The following PHACTR3 variants were observed in gnomAD, a reference collection of about 807,000 sequenced individuals.
The protein encoded by PHACTR3 is protein phosphatase 1, regulatory subunit 123.
In PHACTR3, 16 loss-of-function variants were observed where a neutral mutation model predicts 66.8. The observed-to-expected ratio is 0.24, with a 90% CI of 0.16 to 0.36. The LOEUF (loss-of-function observed/expected upper bound fraction) is 0.36. PHACTR3 is among the 10% of genes least tolerant of loss of function. The pLI is 1.00. For synonymous variants in PHACTR3, 323 were observed against 292.1 expected (o/e 1.11, Z -1.08); for missense variants, 647 against 719.9 (o/e 0.90, Z 1.16).
chr20:59,692,062 T>G (rs1265321127), intron 1 of PHACTR3, among the ~76,000 whole-genome samples: 2 of 152,226 alleles, frequency 1.3e-5, no homozygotes, highest in Non-Finnish European at 2.9e-5. Context: ...CTCTTAGCCT[T>G]CCGAGACAGG....
chr20:59,709,810 T>G (rs1463697235), intron 1 of PHACTR3, among the ~76,000 whole-genome samples: 2 of 152,036 alleles, frequency 1.3e-5, no homozygotes, highest in Non-Finnish European at 2.9e-5. Context: ...AACACTAGTT[T>G]CCTGAGGTTG....
chr20:59,790,109 CT>C (rs1408481413), intron 7 of PHACTR3, among the ~76,000 whole-genome samples: 1 of 152,032 alleles, frequency 6.6e-6, no homozygotes, highest in Admixed American at 6.6e-5. Flanking sequence ...TATACATTTC[CT>C]TTTTTTCTCT....
At chr20:59,650,014 A>G (rs1316964914) in intron 1 of PHACTR3, among the ~76,000 whole-genome samples, 1 of 152,210 alleles carries the variant, frequency 6.6e-6, no homozygotes, top group Non-Finnish European at 1.5e-5. Flanking sequence ...TTTAACTATA[A>G]AGAATGAAAT....
chr20:59,666,260 G>A (rs989435323), intron 1 of PHACTR3, among the ~76,000 whole-genome samples: 40 of 152,158 alleles, frequency 2.6e-4, no homozygotes, highest in Admixed American at 1.7e-3. Flanking sequence ...TCCTCCCTGC[G>A]CCACATCTCC....
At chr20:59,680,890 C>T (rs950591841) in intron 1 of PHACTR3, among the ~76,000 whole-genome samples, 3 of 152,160 alleles carry the variant, frequency 2.0e-5, no homozygotes, top group African/African-American at 4.8e-5. Flanking sequence ...GGGCCACTCC[C>T]GGATTCCCTA....
chr20:59,627,422 A>C (rs921702531), intron 1 of PHACTR3, among the ~76,000 whole-genome samples: 1 of 152,234 alleles, frequency 6.6e-6, no homozygotes, highest in African/African-American at 2.4e-5. Context: ...GGGATGAGAC[A>C]GAAGAGTCCT....
chr20:59,658,953 C>CT (rs764286425), intron 1 of PHACTR3, among the ~76,000 whole-genome samples: 5,157 of 131,208 alleles, frequency 0.039, 149 homozygotes, highest in African/African-American at 0.087. Context: ...GCTTACTTGT[C>CT]TTTTTTTTTT....
intron 8 of PHACTR3, among the ~76,000 whole-genome samples, chr20:59,814,407 C>T (rs1365518825): frequency 1.3e-5 from 2 of 152,150 alleles, no homozygotes; most frequent in Non-Finnish European, 1.5e-5. Flanking sequence ...AGAAGGCAGG[C>T]AGACACAGGG....
At chr20:59,593,091 C>G (rs945873905) in intron 1 of PHACTR3, among the ~76,000 whole-genome samples, 2 of 152,200 alleles carry the variant, frequency 1.3e-5, no homozygotes, top group African/African-American at 4.8e-5. Context: ...TCCAAAGTAG[C>G]TGCACCATTT....
chr20:59,685,541 G>A (rs936752265), intron 1 of PHACTR3, among the ~76,000 whole-genome samples: 5 of 152,220 alleles, frequency 3.3e-5, no homozygotes, highest in African/African-American at 1.2e-4. Context: ...CACAAGGCTG[G>A]TGAATGCTCC....
rs1296281549 is a variant in PHACTR3 at position 59,680,654 on chromosome 20, G to A, written c.119-62453G>A. 2.7e-5 allele frequency among the ~76,000 whole-genome samples: 4 copies of A among 150,482 alleles called. No individual in the cohort carries two copies. In the East Asian group the frequency reaches 7.7e-4, roughly 29 times the overall value. On this transcript the variant is annotated intron_variant, in intron 1 of 12. Coordinates refer to ENST00000371015, the MANE Select transcript of PHACTR3 (RefSeq NM_080672.5). ...ACAAATTTGTAAACTTTCTTAAAGTGTTATGAGATTTTTTTTTTTAGCTCA... is the reference window on the plus strand; with the variant it reads ...ACAAATTTGTAAACTTTCTTAAAGTATTATGAGATTTTTTTTTTTAGCTCA...
intron 1 of PHACTR3, among the ~76,000 whole-genome samples, chr20:59,638,808 GGACGAATGGATGGGTA>G (rs2034992523): frequency 7.0e-6 from 1 of 142,342 alleles, no homozygotes; most frequent in African/African-American, 2.8e-5. Context: ...ATGGATGGAT[GGACGAATGGATGGGTA>G]GATGGATGGA....
At chr20:59,807,501 T>C (rs1014934568) in intron 8 of PHACTR3, among the ~76,000 whole-genome samples, 2 of 151,998 alleles carry the variant, frequency 1.3e-5, no homozygotes, top group Admixed American at 1.3e-4. Flanking sequence ...TACAGTTAAC[T>C]TTTTTTTAAT....
At chr20:59,737,795 G>C (rs2039006425) in intron 1 of PHACTR3, among the ~76,000 whole-genome samples, 1 of 152,156 alleles carries the variant, frequency 6.6e-6, no homozygotes, top group Non-Finnish European at 1.5e-5. Context: ...AGGATACATG[G>C]CACATGGTTG....
At chr20:59,602,107 G>C (rs545181992), upstream of PHACTR3, among the ~76,000 whole-genome samples, 1 of 152,094 alleles carries the variant, frequency 6.6e-6, no homozygotes, top group Non-Finnish European at 1.5e-5. Flanking sequence ...GTCTCTATTC[G>C]GTGCCTGCCT....
intron 8 of PHACTR3, among the ~76,000 whole-genome samples, chr20:59,834,799 A>C (rs1320140233): frequency 6.6e-6 from 1 of 152,146 alleles, no homozygotes; most frequent in Non-Finnish European, 1.5e-5. Flanking sequence ...CTCTCAGATG[A>C]TTTTGTTCAT....
At chr20:59,757,131 C>T (rs1432674807) in intron 4 of PHACTR3, among the ~76,000 whole-genome samples, 3 of 152,238 alleles carry the variant, frequency 2.0e-5, no homozygotes, top group African/African-American at 4.8e-5. Context: ...GCCTTCCTGC[C>T]GTGGTGTGGT....
At chr20:59,640,212 T>C (rs2035055272) in intron 1 of PHACTR3, among the ~76,000 whole-genome samples, 1 of 152,182 alleles carries the variant, frequency 6.6e-6, no homozygotes. Context: ...GTACAGTCAG[T>C]GTAGAAATGC....
chr20:59,804,330 C>T (rs1042817198), intron 7 of PHACTR3, among the ~76,000 whole-genome samples: 9 of 152,064 alleles, frequency 5.9e-5, no homozygotes, highest in Non-Finnish European at 1.2e-4. Flanking sequence ...AGAGCAAATA[C>T]GATTGAAAGT....
Sources: allele counts gnomAD v4.1 joint callset (sites outside exome capture counted in the v4.1 genomes callset), GRCh38; gene constraint gnomAD v4.1.1; transcripts MANE v1.5; gene names NCBI Gene and HGNC (gene_info 2026-07-23, HGNC 2026-07-21).